The following MEF2C variants were observed in gnomAD, a reference collection of about 807,000 sequenced individuals.
The protein encoded by MEF2C is myocyte-specific enhancer factor 2C.
MEF2C carries 6 observed loss-of-function variants against 50.5 expected under a neutral mutation model. That is an observed-to-expected ratio of 0.12 (90% CI 0.07 to 0.23). The LOEUF (loss-of-function observed/expected upper bound fraction) is 0.23, where lower values mean the gene tolerates loss of function less well. MEF2C is among the 10% of genes least tolerant of loss of function. The pLI is 1.00. For synonymous variants in MEF2C, 183 were observed against 228.0 expected, an observed-to-expected ratio of 0.80 and a Z score of 1.78; for missense variants, 276 against 605.0, an observed-to-expected ratio of 0.46 and a Z score of 5.70.
rs1755307688 is a variant in MEF2C at position 88,718,710 on chromosome 5, G to A, written c.*3894C>T. ...ATTAAACTGAGGTATGAATCAATTT[G>A]AGGTATGAACAGGGAAGGCAAAATG... is the stretch of plus-strand genomic sequence containing the variant. On this transcript the variant is annotated 3_prime_UTR_variant, in exon 11 of 11. Transcript: ENST00000504921. 6.6e-6 allele frequency: 1 copy of A among 152,212 alleles called. No homozygotes were observed. Among genetic ancestry groups the A allele is most frequent in the Non-Finnish European group, 1.5e-5 (1 of 68,030 alleles). 9.4% of individuals were successfully genotyped at this position (152,212 alleles called of 1,614,324 possible).
intron 1 of MEF2C, among the ~76,000 whole-genome samples, chr5:88,897,633 GTATTTGATGACACT>G (rs1173513202): frequency 5.9e-5 from 9 of 152,010 alleles, no homozygotes; most frequent in Non-Finnish European, 1.2e-4. Flanking sequence ...CTTTTCACTA[GTATTTGATGACACT>G]TATTTTCCAG....
chr5:88,808,764 G>T (rs899366259), intron 2 of MEF2C, among the ~76,000 whole-genome samples: 1 of 152,096 alleles, frequency 6.6e-6, no homozygotes, highest in African/African-American at 2.4e-5. Flanking sequence ...TTTCTAAAGA[G>T]ATCTGGAATA....
At chr5:88,777,826 T>C (rs913420440) in intron 3 of MEF2C, among the ~76,000 whole-genome samples, 8 of 151,862 alleles carry the variant, frequency 5.3e-5, no homozygotes, top group African/African-American at 1.9e-4. Flanking sequence ...ATGTAGGTAC[T>C]ATCTATCTAG....
intron 6 of MEF2C, chr5:88,737,597 C>T (rs1764665182): frequency 2.0e-6 from 2 of 985,342 alleles, no homozygotes; most frequent in African/African-American, 3.5e-5. Flanking sequence ...TGCATGGTAT[C>T]CTAGGGAAAA....
intron 6 of MEF2C, among the ~76,000 whole-genome samples, chr5:88,732,267 C>T (rs1434931589): frequency 5.9e-5 from 9 of 152,118 alleles, no homozygotes; most frequent in African/African-American, 2.4e-5. Context: ...GCCTGGCTGG[C>T]GTGACTCACT....
intron 3 of MEF2C, among the ~76,000 whole-genome samples, chr5:88,782,926 T>C (rs1203356251): frequency 1.3e-5 from 2 of 152,234 alleles, no homozygotes; most frequent in Non-Finnish European, 2.9e-5. Context: ...TTGCCATCTT[T>C]CTTATATCTT....
chr5:88,881,442 A>C (rs1318885713), intron 1 of MEF2C, among the ~76,000 whole-genome samples: 1 of 152,232 alleles, frequency 6.6e-6, no homozygotes, highest in East Asian at 1.9e-4. Flanking sequence ...TGGAGAAACA[A>C]AAATACTGCT....
intron 1 of MEF2C, among the ~76,000 whole-genome samples, chr5:88,860,360 A>G (rs1255737368): frequency 4.6e-5 from 7 of 151,712 alleles, no homozygotes; most frequent in African/African-American, 1.7e-4. Flanking sequence ...GTTTTTGGCA[A>G]CCTTGTCTCA....
chr5:88,771,541 G>A, intron 3 of MEF2C: 5 of 985,330 alleles, frequency 5.1e-6, no homozygotes, highest in Non-Finnish European at 6.0e-6. Flanking sequence ...TTTTTAACAT[G>A]TCTGCTTCAC....
At chr5:88,754,010 C>T (rs764992512) in intron 4 of MEF2C, among the ~76,000 whole-genome samples, 1 of 152,172 alleles carries the variant, frequency 6.6e-6, no homozygotes, top group African/African-American at 2.4e-5. Flanking sequence ...AGTGATTCTA[C>T]TAGGTATATT....
intron 7 of MEF2C, 65 bp downstream of exon 7, chr5:88,731,664 T>C (rs756094093): frequency 1.4e-6 from 2 of 1,438,758 alleles, no homozygotes; most frequent in Admixed American, 1.8e-5. Context: ...GTTAGACAAA[T>C]ATAAAAACAG....
intron 10 of MEF2C, 67 bp from the exon 11 acceptor site, chr5:88,722,992 A>C: frequency 7.5e-7 from 1 of 1,334,176 alleles, no homozygotes; most frequent in Non-Finnish European, 1.0e-6. Context: ...CTCACAATTA[A>C]ATCAAACATC....
In MEF2C at chr5:88,761,216, A is replaced by G; in HGVS notation, c.371T>C (p.Ile124Thr). The G allele has an allele frequency of 6.2e-7, 1 of 1,614,030 alleles. No individual in the cohort carries two copies. ...TCTTTGCCTGCTGATCATTAGATCAATATCTTCGTTAATTTTCCTGTACTT... is the reference window on the plus strand; with the variant it reads ...TCTTTGCCTGCTGATCATTAGATCAGTATCTTCGTTAATTTTCCTGTACTT... The part of the protein sequence containing the change: ...EDKYRKINED[I>T]DLMISRQRLC... The change falls in exon 4 of 11, where the codon ATT (isoleucine) becomes ACT (threonine). Residue 124 changes from isoleucine (I) to threonine (T), a missense_variant. Ile to Thr is a moderately conservative substitution (Grantham distance 89). Transcript: ENST00000504921.
In MEF2C at chr5:88,751,896, G is replaced by A; in HGVS notation, c.550C>T (p.Pro184Ser). ...CTTGGAGGTCGATGTGTTACACCAG[G>A]AGACATACTATTCCTCTGCAGAGAA... is the stretch of plus-strand genomic sequence containing the variant. ...HPSLQRNSMS[P>S]GVTHRPPSAG... Residue 184 changes from proline to serine, a missense_variant, in exon 5 of 11, where the codon CCT becomes TCT. Physicochemically the swap from Pro to Ser is moderately conservative, Grantham distance 74 (BLOSUM62 -1). Coordinates refer to ENST00000504921, the MANE Select transcript of MEF2C (RefSeq NM_002397.5). 6.2e-7 allele frequency: 1 copy of A among 1,613,952 alleles called. No individual in the cohort carries two copies. Among genetic ancestry groups the A allele is most frequent in the Non-Finnish European group, 8.5e-7 (1 of 1,179,872 alleles).
intron 3 of MEF2C, among the ~76,000 whole-genome samples, chr5:88,778,509 TG>T: frequency 6.6e-6 from 1 of 152,030 alleles, no homozygotes; most frequent in Non-Finnish European, 1.5e-5. Flanking sequence ...GGGAATAGAT[TG>T]GGGAAAAGAG....
chr5:88,724,197 A>G (rs1757580798), intron 10 of MEF2C, among the ~76,000 whole-genome samples: 3 of 152,204 alleles, frequency 2.0e-5, no homozygotes, highest in Non-Finnish European at 4.4e-5. Flanking sequence ...AATGTATGTA[A>G]TTATGCTGCT....
upstream of MEF2C, among the ~76,000 whole-genome samples, chr5:88,886,898 C>T (rs774095090): frequency 6.6e-6 from 1 of 152,224 alleles, no homozygotes; most frequent in Admixed American, 6.5e-5. Context: ...CCAACCTCCT[C>T]TCTTCACTAC....
At position 88,720,964 on chromosome 5, in the gene MEF2C, G is replaced by A. The variant is rs1240163435; in HGVS notation, c.*1640C>T. 1 of 152,548 alleles carries A rather than the reference G, an allele frequency of 6.6e-6. No homozygotes were observed. Among genetic ancestry groups the A allele is most frequent in the East Asian group, 1.9e-4 (1 of 5,196 alleles). 9.4% of individuals were successfully genotyped at this position (152,548 alleles called of 1,614,324 possible). On this transcript the variant is annotated 3_prime_UTR_variant, in exon 11 of 11. Coordinates refer to ENST00000504921, the MANE Select transcript of MEF2C (RefSeq NM_002397.5). ...ACAGTCCTATATTGCTGACAAGATT[G>A]TCAAGGGTCAGTTAAAATAATTAAA...
chr5:88,832,378 T>G (rs1160049981), intron 1 of MEF2C, among the ~76,000 whole-genome samples: 1 of 152,110 alleles, frequency 6.6e-6, no homozygotes, highest in African/African-American at 2.4e-5. Context: ...ATTATCTCTT[T>G]ACCTCCCTCT....
Sources: gnomAD v4.1 joint callset for allele counts (sites outside exome capture counted in the v4.1 genomes callset) on GRCh38, gnomAD v4.1.1 for gene constraint, MANE v1.5 for transcripts, NCBI Gene and HGNC (gene_info 2026-07-23, HGNC 2026-07-21) for gene names.